The following FADS2 variants were observed in gnomAD, a reference collection of about 807,000 sequenced individuals.
The protein encoded by FADS2 is fatty acid desaturase 2, also known as acyl-CoA 6-desaturase.
A neutral mutation model predicts 61.2 loss-of-function variants in FADS2; 18 were observed. The ratio of observed to expected loss-of-function variants is 0.29; its 90% CI spans 0.20 to 0.44. FADS2 has a LOEUF of 0.44. Among genes scored for constraint, FADS2 ranks in the 20% least tolerant of loss-of-function variants. FADS2 has a pLI of 1.00. For missense variants in FADS2, 322 were observed against 572.7 expected (o/e 0.56, Z 4.47); for synonymous variants, 203 against 223.9 (o/e 0.91, Z 0.83).
At chr11:61,816,235 C>G, upstream of FADS2, 1 of 1,594,466 alleles carries the variant, frequency 6.3e-7, no homozygotes, top group East Asian at 2.2e-5. The surrounding 1 kb of genome is among the most constrained non-coding windows in gnomAD (Gnocchi z 7.0). Context: ...GCCTACCCAG[C>G]TCGGGGTTCT....
intron 1 of FADS2, among the ~76,000 whole-genome samples, chr11:61,832,496 T>C (rs746961387): frequency 1.1e-4 from 17 of 152,216 alleles, no homozygotes; most frequent in Non-Finnish European, 1.9e-4. Flanking sequence ...AATTTCTTCA[T>C]GCCCAGGTTG....
intron 7 of FADS2, among the ~76,000 whole-genome samples, chr11:61,859,944 T>TG (rs913247994): frequency 5.9e-5 from 9 of 151,790 alleles, no homozygotes; most frequent in Non-Finnish European, 1.2e-4. Flanking sequence ...AACTTCTTTT[T>TG]TTTGTTTGTT....
rs1364351892 is a variant in FADS2 at position 61,816,377 on chromosome 11, TC to T, written c.95del (p.Pro32ArgfsTer33). The T allele has an allele frequency of 1.3e-6, 2 of 1,598,408 alleles. No individual in the cohort carries two copies. Among genetic ancestry groups the T allele is most frequent in the Non-Finnish European group, 1.7e-6 (2 of 1,179,800 alleles). ...CAGACTCCACTTCTCCAGGCCTCTC[TC>T]CCGCCTTTTCATCCCGCATCCGCAG... On this transcript the variant is annotated frameshift_variant, in exon 1 of 12. Coordinates refer to the FADS2 transcript ENST00000257261. LOFTEE classifies it high-confidence loss of function. The surrounding 1 kb of genome is among the most constrained non-coding windows in gnomAD (Gnocchi z 7.0).
chr11:61,824,908 G>A (rs2067070503), upstream of FADS2, among the ~76,000 whole-genome samples: 1 of 152,074 alleles, frequency 6.6e-6, no homozygotes, highest in Non-Finnish European at 1.5e-5. Context: ...AGAATCAGGT[G>A]TTGGCCGGGT....
chr11:61,822,946 G>GTAAT (rs2067045871), intron 1 of FADS2, among the ~76,000 whole-genome samples: 1 of 152,202 alleles, frequency 6.6e-6, no homozygotes, highest in Admixed American at 6.5e-5. Context: ...TTCTACATGT[G>GTAAT]TAATTAGTGG....
intron 1 of FADS2, among the ~76,000 whole-genome samples, chr11:61,822,949 A>G (rs1237111515): frequency 6.6e-6 from 1 of 152,220 alleles, no homozygotes; most frequent in Non-Finnish European, 1.5e-5. Flanking sequence ...TACATGTGTA[A>G]TTAGTGGATC....
chr11:61,831,391 G>A (rs2135955308), intron 1 of FADS2, among the ~76,000 whole-genome samples: 1 of 152,294 alleles, frequency 6.6e-6, no homozygotes, highest in Non-Finnish European at 1.5e-5. Flanking sequence ...CCATCACAGT[G>A]CAGTCATTCC....
intron 1 of FADS2, among the ~76,000 whole-genome samples, chr11:61,834,965 G>A (rs2067159117): frequency 6.7e-6 from 1 of 149,100 alleles, no homozygotes; most frequent in Non-Finnish European, 1.5e-5. Flanking sequence ...CCGCACCCTG[G>A]GCCTCCTCCC....
chr11:61,865,428 C>T lies in FADS2; in HGVS notation c.1283+151C>T, dbSNP rs766656303. On this transcript the variant is annotated intron_variant, in intron 11 of 11. Transcript: ENST00000278840. The surrounding 1 kb of genome is among the most constrained non-coding windows in gnomAD (Gnocchi z 4.1). Reference sequence around the variant, plus strand: ...CTGTGTTAGGAGCTGTTGGGCTTTTCTCCCTGGGCTGCGAGAAGACCATCC... The same window carrying T: ...CTGTGTTAGGAGCTGTTGGGCTTTTTTCCCTGGGCTGCGAGAAGACCATCC... 183 of 1,077,336 alleles carry T rather than the reference C, an allele frequency of 1.7e-4. No individual in the cohort carries two copies. The highest frequency in any genetic ancestry group is 2.3e-4 in the Non-Finnish European group (176 of 755,382). 66.7% of individuals were successfully genotyped at this position (1,077,336 alleles called of 1,614,324 possible). A position where few individuals can be genotyped will look rare whatever the true frequency, so the allele number is the denominator to read the frequency against.
At chr11:61,837,544 T>C (rs945209175) in intron 1 of FADS2, among the ~76,000 whole-genome samples, 3 of 152,092 alleles carry the variant, frequency 2.0e-5, no homozygotes, top group Non-Finnish European at 2.9e-5. Context: ...CCCTGGGGAG[T>C]GTAGCATGCC....
intron 1 of FADS2, among the ~76,000 whole-genome samples, chr11:61,820,121 C>A (rs1460871083): frequency 6.6e-6 from 1 of 152,012 alleles, no homozygotes; most frequent in East Asian, 1.9e-4. Flanking sequence ...AGGAGAATCA[C>A]CTGGGCAACA....
chr11:61,816,357 TCCA>T lies in FADS2; in HGVS notation c.74_76del (p.Pro25del), dbSNP rs780446901. ...TGGCCTCCATCCCCACTCCCCAGAC[TCCA>T]CTTCTCCAGGCCTCTCTCCCGCCTT... is the stretch of plus-strand genomic sequence containing the variant. On this transcript the variant is annotated inframe_deletion, in exon 1 of 12. Transcript: ENST00000257261. The surrounding 1 kb of genome is among the most constrained non-coding windows in gnomAD (Gnocchi z 7.0). 1 of 1,598,328 alleles carries T rather than the reference TCCA, an allele frequency of 6.3e-7. No individual in the cohort carries two copies. The highest frequency in any genetic ancestry group is 1.3e-5 in the African/African-American group (1 of 75,012).
intron 1 of FADS2, among the ~76,000 whole-genome samples, chr11:61,819,647 T>G (rs2067022162): frequency 6.6e-6 from 1 of 152,222 alleles, no homozygotes; most frequent in African/African-American, 2.4e-5. Flanking sequence ...ATCAGTGAAA[T>G]ATTTTGCAGA....
chr11:61,853,854 C>T (rs1308240492), intron 5 of FADS2, among the ~76,000 whole-genome samples: 1 of 152,182 alleles, frequency 6.6e-6, no homozygotes, highest in Admixed American at 6.5e-5. Context: ...TCCCCCAACC[C>T]TCGATGGACA....
At chr11:61,828,022 C>G (rs1242330214), upstream of FADS2, 2 of 1,128,148 alleles carry the variant, frequency 1.8e-6, no homozygotes, top group Non-Finnish European at 2.2e-6. This position sits in a 1 kb window ranked among gnomAD's most constrained non-coding sequence, Gnocchi z 6.4. Flanking sequence ...GCGGGGAACG[C>G]GGGAGGATGT....
chr11:61,827,588 A>G (rs553857961), upstream of FADS2, among the ~76,000 whole-genome samples: 2 of 152,326 alleles, frequency 1.3e-5, no homozygotes, highest in East Asian at 3.9e-4. The surrounding 1 kb of genome is among the most constrained non-coding windows in gnomAD (Gnocchi z 4.5). Flanking sequence ...CGCGCCAAGG[A>G]AGGGCGTCAC....
chr11:61,828,272 A>T (rs1402179332), upstream of FADS2: 1 of 1,456,766 alleles, frequency 6.9e-7, no homozygotes, highest in Non-Finnish European at 9.0e-7. This position sits in a 1 kb window ranked among gnomAD's most constrained non-coding sequence, Gnocchi z 6.4. Flanking sequence ...AGGAGAAGAC[A>T]AAAGCCGAAA....
intron 5 of FADS2, among the ~76,000 whole-genome samples, chr11:61,852,017 T>C (rs1194503703): frequency 6.6e-6 from 1 of 152,198 alleles, no homozygotes; most frequent in African/African-American, 2.4e-5. Flanking sequence ...AGGATGATGT[T>C]CGGCCTTCAC....
chr11:61,838,542 C>T (rs988167918), intron 2 of FADS2, among the ~76,000 whole-genome samples: 1 of 152,040 alleles, frequency 6.6e-6, no homozygotes, highest in African/African-American at 2.4e-5. Flanking sequence ...CTGGCCTCAG[C>T]AAGCTCTTCC....
Sources: allele counts gnomAD v4.1 joint callset (sites outside exome capture counted in the v4.1 genomes callset), GRCh38; gene constraint gnomAD v4.1.1; non-coding constraint Gnocchi (gnomAD v3.1); transcripts MANE v1.5; gene names NCBI Gene and HGNC (gene_info 2026-07-23, HGNC 2026-07-21).